Variants in BEND3 observed in about 807,000 individuals in gnomAD.
The protein encoded by BEND3 is BEN domain-containing protein 3.
Under a neutral mutation model 60.1 loss-of-function variants are expected in BEND3, and 13 were observed. That is an observed-to-expected ratio of 0.22 (90% CI 0.14 to 0.34). The LOEUF is 0.34. Ranked by LOEUF, BEND3 falls within the 10% of genes least tolerant of loss-of-function variation. The pLI is 1.00. For synonymous variants in BEND3, 497 were observed against 491.5 expected, an observed-to-expected ratio of 1.01 and a Z score of -0.15; for missense variants, 896 against 1,138.1, an observed-to-expected ratio of 0.79 and a Z score of 3.06.
chr6:107,103,912 A>G (rs1197343041), intron 1 of BEND3, among the ~76,000 whole-genome samples: 1 of 148,614 alleles, frequency 6.7e-6, no homozygotes, highest in Non-Finnish European at 1.5e-5. Flanking sequence ...CGCGCCATTC[A>G]ACGCCAGGCT....
Position 107,069,256 on chromosome 6 carries a change from G to A in BEND3, c.1935C>T (p.Arg645=), listed in dbSNP as rs1402586964. Residue 645 remains arginine, a synonymous_variant, in exon 4 of 4, where the codon CGC becomes CGT. Transcript: ENST00000369042. ...FVGKLDERCR[R]RDTEQRRSYQ... is the part of the protein sequence containing the mutation. ...AGGAGCGCCTTTGCTCCGTGTCCCG[G>A]CGCCGGCAGCGCTCATCCAGTTTGC... 1.2e-6 allele frequency: 2 copies of A among 1,611,340 alleles called. No homozygotes were observed. Among genetic ancestry groups the A allele is most frequent in the Non-Finnish European group, 1.7e-6 (2 of 1,179,174 alleles).
chr6:107,093,254 A>T (rs1775513357), intron 3 of BEND3, among the ~76,000 whole-genome samples: 1 of 152,160 alleles, frequency 6.6e-6, no homozygotes. Context: ...AAGCCAGGAG[A>T]TCGAGACCAT....
intron 3 of BEND3, among the ~76,000 whole-genome samples, chr6:107,075,957 C>T (rs553443489): frequency 1.3e-5 from 2 of 152,302 alleles, no homozygotes; most frequent in South Asian, 4.1e-4. Context: ...TTTCCATTTC[C>T]ACCAAGCATG....
intron 3 of BEND3, among the ~76,000 whole-genome samples, chr6:107,080,852 C>T (rs988866772): frequency 5.9e-5 from 9 of 152,022 alleles, no homozygotes; most frequent in African/African-American, 2.2e-4. Flanking sequence ...CCACTGCACT[C>T]CAGCCTGGGT....
chr6:107,110,051 A>C (rs1043599879), intron 1 of BEND3, among the ~76,000 whole-genome samples: 1 of 150,426 alleles, frequency 6.6e-6, no homozygotes, highest in African/African-American at 2.4e-5. Context: ...AAAAAAAAGG[A>C]AGCTGGGCAC....
intron 3 of BEND3, among the ~76,000 whole-genome samples, chr6:107,086,495 G>A (rs1021205644): frequency 2.6e-5 from 4 of 151,800 alleles, no homozygotes; most frequent in Admixed American, 2.6e-4. Flanking sequence ...TGCGCCTGTA[G>A]TCCCAGCTAC....
chr6:107,076,556 C>A (rs1029322934), intron 3 of BEND3, among the ~76,000 whole-genome samples: 1 of 152,084 alleles, frequency 6.6e-6, no homozygotes, highest in Non-Finnish European at 1.5e-5. Context: ...CAGTGACATC[C>A]CAGGGAGTGG....
Position 107,069,768 on chromosome 6 carries a change from G to A in BEND3, c.1423C>T (p.Arg475Cys), listed in dbSNP as rs782406426. Reference protein sequence around the residue: ...EEAWLQQCAQRINDELEGLGL... With the variant: ...EEAWLQQCAQCINDELEGLGL... Reference sequence around the variant, plus strand: ...AGGCCCTCGAGCTCGTCGTTGATGCGCTGGGCACACTGCTGCAGCCAGGCC... The same window carrying A: ...AGGCCCTCGAGCTCGTCGTTGATGCACTGGGCACACTGCTGCAGCCAGGCC... The change falls in exon 4 of 4, where the codon CGC becomes TGC. Residue 475 changes from arginine (R) to cysteine (C), a missense_variant. By Grantham distance (180) the Arg-to-Cys change is radical. Transcript: ENST00000369042. The A allele has an allele frequency of 8.1e-6, 13 of 1,612,628 alleles. No homozygotes were observed. The highest frequency in any genetic ancestry group is 1.6e-4 in the Middle Eastern group (1 of 6,084).
intron 3 of BEND3, among the ~76,000 whole-genome samples, chr6:107,084,554 C>CA (rs1650022033): frequency 6.6e-6 from 1 of 151,702 alleles, no homozygotes; most frequent in African/African-American, 2.4e-5. Flanking sequence ...ACACACCTAT[C>CA]AGCACTCTAT....
At chr6:107,102,806 G>GCACT (rs1195539829) in intron 1 of BEND3, among the ~76,000 whole-genome samples, 1 of 152,132 alleles carries the variant, frequency 6.6e-6, no homozygotes, top group Non-Finnish European at 1.5e-5. Flanking sequence ...TTCACACCAG[G>GCACT]CACTGGGCTG....
At chr6:107,110,344 A>T (rs1436644037) in intron 1 of BEND3, among the ~76,000 whole-genome samples, 2 of 152,222 alleles carry the variant, frequency 1.3e-5, no homozygotes, top group African/African-American at 4.8e-5. Flanking sequence ...TGATACTGGC[A>T]TGGAGAGCTC....
At chr6:107,098,190 C>G (rs1461970083) in intron 3 of BEND3, among the ~76,000 whole-genome samples, 3 of 152,172 alleles carry the variant, frequency 2.0e-5, no homozygotes, top group African/African-American at 4.8e-5. Flanking sequence ...AAGACCTGAC[C>G]TCCAGCTAAT....
chr6:107,098,466 G>T, intron 3 of BEND3, 85 bp downstream of exon 3: 1 of 1,429,810 alleles, frequency 7.0e-7, no homozygotes, highest in Non-Finnish European at 9.6e-7. Flanking sequence ...GCAGTTGCCA[G>T]GATGCCCAAA....
chr6:107,091,609 A>G (rs1775476056), intron 3 of BEND3, among the ~76,000 whole-genome samples: 1 of 152,238 alleles, frequency 6.6e-6, no homozygotes, highest in South Asian at 2.1e-4. Flanking sequence ...TCATGGAAGA[A>G]GAGACATTCC....
chr6:107,112,338 G>T (rs1470012113), intron 1 of BEND3, among the ~76,000 whole-genome samples: 4 of 152,124 alleles, frequency 2.6e-5, no homozygotes, highest in African/African-American at 9.7e-5. Context: ...TGCTCACACA[G>T]GGGTGCTTAG....
At chr6:107,082,803 TAC>T (rs1775261267) in intron 3 of BEND3, among the ~76,000 whole-genome samples, 1 of 152,222 alleles carries the variant, frequency 6.6e-6, no homozygotes, top group African/African-American at 2.4e-5. Flanking sequence ...AGTGAACTGA[TAC>T]ACTAAACTTT....
intron 3 of BEND3, among the ~76,000 whole-genome samples, chr6:107,079,796 AG>A (rs578041541): frequency 6.1e-4 from 93 of 152,154 alleles, no homozygotes; most frequent in African/African-American, 2.1e-3. Flanking sequence ...TGCCTGGTTG[AG>A]GTATTAACTC....
chr6:107,076,627 G>A (rs1347777229), intron 3 of BEND3, among the ~76,000 whole-genome samples: 4 of 152,058 alleles, frequency 2.6e-5, no homozygotes, highest in South Asian at 4.1e-4. Flanking sequence ...TCCAAGAGTG[G>A]TCACTGAATT....
chr6:107,104,206 C>A (rs1775765602), intron 1 of BEND3, among the ~76,000 whole-genome samples: 1 of 149,522 alleles, frequency 6.7e-6, no homozygotes, highest in African/African-American at 2.5e-5. Flanking sequence ...AGGAGAATGG[C>A]ATGAACCCAG....
Sources: allele counts gnomAD v4.1 joint callset (sites outside exome capture counted in the v4.1 genomes callset), GRCh38; gene constraint gnomAD v4.1.1; transcripts MANE v1.5; gene names NCBI Gene and HGNC (gene_info 2026-07-23, HGNC 2026-07-21).